CTNNA3: variants seen among roughly 807,000 people sequenced by gnomAD.
CTNNA3 encodes catenin alpha 3.
Under a neutral mutation model 95.7 loss-of-function variants are expected in CTNNA3, and 76 were observed. That is an observed-to-expected ratio of 0.79 (90% CI 0.66 to 0.96). The LOEUF (loss-of-function observed/expected upper bound fraction) is 0.96, where lower values mean the gene tolerates loss of function less well. CTNNA3 is among the 40% of genes least tolerant of loss of function. The probability of loss-of-function intolerance (pLI) is 0.00; values close to 1 mark genes in which losing one functional copy is unlikely to be tolerated. For synonymous variants in CTNNA3, 431 were observed against 374.4 expected (o/e 1.15, Z -1.74); for missense variants, 1,191 against 1,089.8 (o/e 1.09, Z -1.31).
intron 11 of CTNNA3, among the ~76,000 whole-genome samples, chr10:66,492,056 G>A (rs549249534): frequency 6.6e-6 from 1 of 151,952 alleles, no homozygotes; most frequent in East Asian, 1.9e-4. Flanking sequence ...TGTTTCATGT[G>A]TTTTAGCCTC....
At chr10:67,655,906 A>C (rs967751894) in intron 1 of CTNNA3, among the ~76,000 whole-genome samples, 1 of 152,202 alleles carries the variant, frequency 6.6e-6, no homozygotes, top group African/African-American at 2.4e-5. Context: ...GAAGGATTGA[A>C]ACCAGATGTT....
intron 7 of CTNNA3, among the ~76,000 whole-genome samples, chr10:66,952,747 G>T (rs1425344504): frequency 6.6e-6 from 1 of 151,764 alleles, no homozygotes; most frequent in African/African-American, 2.4e-5. Context: ...TACAGCCAGG[G>T]ACTCTTCTGC....
intron 5 of CTNNA3, among the ~76,000 whole-genome samples, chr10:67,344,205 T>C (rs1842329269): frequency 6.6e-6 from 1 of 152,044 alleles, no homozygotes; most frequent in Non-Finnish European, 1.5e-5. Flanking sequence ...TCATGATGAA[T>C]GACCTTTTTA....
At chr10:67,644,847 G>A (rs1409987148) in intron 2 of CTNNA3, among the ~76,000 whole-genome samples, 1 of 152,008 alleles carries the variant, frequency 6.6e-6, no homozygotes, top group Non-Finnish European at 1.5e-5. Context: ...TTATACCAAA[G>A]TACTTTTAAG....
rs371425595 is a variant in CTNNA3, at chr10:66,665,826, C to G, written c.1282-44042G>C. On this transcript the variant is annotated intron_variant, in intron 9 of 17. Coordinates refer to ENST00000433211, the MANE Select transcript of CTNNA3 (RefSeq NM_013266.4). ...TGTTTTATAAATTTTTTCCCTTCAC[C>G]TTTCTAAACTATTCTCAGAGATTAC... is the stretch of plus-strand genomic sequence containing the variant. Among the ~76,000 whole-genome samples, 80 of 152,136 alleles carry G rather than the reference C, an allele frequency of 5.3e-4. 1 individual carries two copies. Among genetic ancestry groups the G allele is most frequent in the African/African-American group, 1.8e-3 (75 of 41,510 alleles).
chr10:66,436,966 A>T (rs1377186134), intron 11 of CTNNA3, among the ~76,000 whole-genome samples: 5 of 151,938 alleles, frequency 3.3e-5, no homozygotes, highest in African/African-American at 1.2e-4. Context: ...TGGCTGGATA[A>T]AAAATTTTGG....
At chr10:67,452,554 G>T (rs1025886690) in intron 5 of CTNNA3, among the ~76,000 whole-genome samples, 1 of 152,052 alleles carries the variant, frequency 6.6e-6, no homozygotes, top group Non-Finnish European at 1.5e-5. Context: ...CAAAAACTAC[G>T]TTTAATGTTG....
intron 3 of CTNNA3, 75 bp downstream of exon 3, chr10:67,606,782 A>T (rs1321149066): frequency 2.5e-6 from 3 of 1,208,912 alleles, no homozygotes; most frequent in African/African-American, 1.6e-5. Flanking sequence ...AAAACAAAAC[A>T]CTCACAAATC....
chr10:67,068,454 G>A (rs1186597247), intron 7 of CTNNA3, among the ~76,000 whole-genome samples: 2 of 152,218 alleles, frequency 1.3e-5, no homozygotes, highest in Non-Finnish European at 2.9e-5. Flanking sequence ...ACCCTGGAGA[G>A]TTCTGAGTTT....
chr10:67,164,917 G>A (rs1257430403), intron 7 of CTNNA3, among the ~76,000 whole-genome samples: 1 of 152,142 alleles, frequency 6.6e-6, no homozygotes, highest in Admixed American at 6.5e-5. Context: ...ATACATTGCT[G>A]GTGGGAATGT....
At chr10:67,757,695 G>A (rs754102174) in intron 1 of CTNNA3, among the ~76,000 whole-genome samples, 9 of 152,184 alleles carry the variant, frequency 5.9e-5, no homozygotes, top group Non-Finnish European at 1.2e-4. Flanking sequence ...GCCACAGACT[G>A]AAGGCTGTTG....
At chr10:67,705,783 A>AC (rs2133607273) in intron 1 of CTNNA3, among the ~76,000 whole-genome samples, 1 of 145,456 alleles carries the variant, frequency 6.9e-6, no homozygotes, top group East Asian at 2.7e-4. Context: ...TATAATAATA[A>AC]TAAAAAAAAA....
At chr10:66,775,580 G>T in intron 7 of CTNNA3, 56 bp from the exon 8 acceptor site, 2 of 1,256,606 alleles carry the variant, frequency 1.6e-6, no homozygotes, top group Non-Finnish European at 2.3e-6. Context: ...TTATCACTTA[G>T]CAATTTGCTT....
At position 67,219,579 on chromosome 10, in the gene CTNNA3, A is replaced by G. The variant is rs768575630; in HGVS notation, c.843+28T>C. 3.1e-6 allele frequency: 5 copies of G among 1,597,974 alleles called. No individual in the cohort carries two copies. In the African/African-American group the frequency reaches 5.4e-5, roughly 17 times the overall value. On this transcript the variant is annotated intron_variant, in intron 6 of 17. Transcript: ENST00000433211. Reference sequence around the variant, plus strand: ...TATTATTACTGTATTAGGACATCAGATCACACTTTATCTTTCTCCCGACTT... The same window carrying G: ...TATTATTACTGTATTAGGACATCAGGTCACACTTTATCTTTCTCCCGACTT...
chr10:65,940,866 A>T (rs1164133704), intron 17 of CTNNA3, among the ~76,000 whole-genome samples: 1 of 152,202 alleles, frequency 6.6e-6, no homozygotes, highest in Non-Finnish European at 1.5e-5. Flanking sequence ...TTCTTGTTTA[A>T]CTCATGTTTC....
chr10:67,306,003 A>G (rs1402277796), intron 5 of CTNNA3, among the ~76,000 whole-genome samples: 2 of 152,328 alleles, frequency 1.3e-5, no homozygotes, highest in East Asian at 3.9e-4. Context: ...GACAAGTAGG[A>G]AGTCAGTGAA....
rs946913398 is a variant in CTNNA3 at position 65,978,547 on chromosome 10, T to A, written c.2265+10145A>T. On this transcript the variant is annotated intron_variant, in intron 16 of 17. Coordinates refer to ENST00000433211, the MANE Select transcript of CTNNA3 (RefSeq NM_013266.4). Reference sequence around the variant, plus strand: ...GTAGACAGTGCTCTGGCTTCATCTGTCACTTACACAACACAAACTACAAAA... The same window carrying A: ...GTAGACAGTGCTCTGGCTTCATCTGACACTTACACAACACAAACTACAAAA... Among the ~76,000 whole-genome samples the A allele has an allele frequency of 2.2e-4, 34 of 151,866 alleles. 1 individual carries two copies. The highest frequency in any genetic ancestry group is 8.0e-4 in the African/African-American group (33 of 41,350).
chr10:66,135,872 A>C (rs1214071933), intron 13 of CTNNA3, among the ~76,000 whole-genome samples: 1 of 152,068 alleles, frequency 6.6e-6, no homozygotes, highest in Non-Finnish European at 1.5e-5. Flanking sequence ...TATAATATTT[A>C]CAAATATTAA....
intron 17 of CTNNA3, among the ~76,000 whole-genome samples, chr10:65,963,789 G>A (rs1432669822): frequency 1.3e-5 from 2 of 152,144 alleles, no homozygotes; most frequent in African/African-American, 4.8e-5. Flanking sequence ...ACTTCAAGAT[G>A]AGTGCTTGCA....
Sources: allele counts gnomAD v4.1 joint callset (sites outside exome capture counted in the v4.1 genomes callset), GRCh38; gene constraint gnomAD v4.1.1; transcripts MANE v1.5; gene names NCBI Gene and HGNC (gene_info 2026-07-23, HGNC 2026-07-21).